Variants in PARVA observed in about 807,000 individuals in gnomAD.
The protein encoded by PARVA is parvin alpha.
A neutral mutation model predicts 52.6 loss-of-function variants in PARVA; 25 were observed. That is an observed-to-expected ratio of 0.48 (90% CI 0.35 to 0.66). The LOEUF is 0.66. Ranked by LOEUF, PARVA falls within the 30% of genes least tolerant of loss-of-function variation. The pLI is 0.01. For missense variants in PARVA, 373 were observed against 450.9 expected, an observed-to-expected ratio of 0.83 and a Z score of 1.56; for synonymous variants, 185 against 179.1, an observed-to-expected ratio of 1.03 and a Z score of -0.26.
chr11:12,475,758 G>A (rs377043489), intron 3 of PARVA, among the ~76,000 whole-genome samples: 4 of 152,184 alleles, frequency 2.6e-5, no homozygotes, highest in African/African-American at 4.8e-5. Context: ...TGGCTAGGCC[G>A]CCATGCAGCC....
At chr11:12,507,228 T>G (rs1383359018) in intron 6 of PARVA, among the ~76,000 whole-genome samples, 1 of 152,226 alleles carries the variant, frequency 6.6e-6, no homozygotes, top group Non-Finnish European at 1.5e-5. Context: ...AGGGCTCAGA[T>G]GAGCCACCCA....
At chr11:12,523,681 C>T (rs1460403346) in intron 12 of PARVA, among the ~76,000 whole-genome samples, 1 of 152,134 alleles carries the variant, frequency 6.6e-6, no homozygotes, top group Non-Finnish European at 1.5e-5. Context: ...TCTCTAGAGC[C>T]ACCTCTTCCT....
intron 1 of PARVA, among the ~76,000 whole-genome samples, chr11:12,389,898 A>C (rs1939632617): frequency 6.6e-6 from 1 of 152,190 alleles, no homozygotes; most frequent in Admixed American, 6.5e-5. Flanking sequence ...GGGATGTGTC[A>C]GGGCATTTAT....
intron 1 of PARVA, among the ~76,000 whole-genome samples, chr11:12,401,096 A>C (rs1939821356): frequency 6.6e-6 from 1 of 152,222 alleles, no homozygotes; most frequent in Admixed American, 6.5e-5. Flanking sequence ...TGCGGCATGT[A>C]GTGGGACCAG....
intron 1 of PARVA, among the ~76,000 whole-genome samples, chr11:12,388,865 A>AT (rs1292156946): frequency 1.3e-5 from 2 of 151,776 alleles, no homozygotes; most frequent in Non-Finnish European, 2.9e-5. Context: ...CTTTGGTCTC[A>AT]TTTTTTTTCT....
intron 1 of PARVA, among the ~76,000 whole-genome samples, chr11:12,466,311 GTTT>G (rs36045215): frequency 7.0e-6 from 1 of 142,990 alleles, no homozygotes. Flanking sequence ...TTATTTAGTT[GTTT>G]TTTTTTTTTT....
At chr11:12,396,668 A>G (rs918722428) in intron 1 of PARVA, among the ~76,000 whole-genome samples, 1 of 152,212 alleles carries the variant, frequency 6.6e-6, no homozygotes, top group African/African-American at 2.4e-5. Context: ...CCCAAGCTCT[A>G]TGTCTTTGCT....
chr11:12,449,209 A>C (rs1197293796), intron 1 of PARVA, among the ~76,000 whole-genome samples: 1 of 151,924 alleles, frequency 6.6e-6, no homozygotes, highest in Non-Finnish European at 1.5e-5. Context: ...GCTGGAGGGC[A>C]GTGGCGCAAT....
At chr11:12,378,702 G>T (rs1490924971) in intron 1 of PARVA, among the ~76,000 whole-genome samples, 1 of 151,562 alleles carries the variant, frequency 6.6e-6, no homozygotes, top group African/African-American at 2.4e-5. Context: ...TGTGGTGACT[G>T]GTGTGTAGAT....
chr11:12,463,793 C>T (rs1940816731), intron 1 of PARVA, among the ~76,000 whole-genome samples: 1 of 152,232 alleles, frequency 6.6e-6, no homozygotes, highest in African/African-American at 2.4e-5. Flanking sequence ...TTAATTTATT[C>T]AATTATTTAT....
rs1358065518 is a variant in PARVA at position 12,515,813 on chromosome 11, C to T, written c.867+1748C>T. Reference sequence around the variant, plus strand: ...AGGCCGTTCCCACCTGAGTTGCAGGCCTGATGGATAGAAGCTGGGAGGAGC... The same window carrying T: ...AGGCCGTTCCCACCTGAGTTGCAGGTCTGATGGATAGAAGCTGGGAGGAGC... On this transcript the variant is annotated intron_variant, in intron 10 of 12. Transcript: ENST00000334956. Among the ~76,000 whole-genome samples, 9 of 152,092 alleles carry T rather than the reference C, an allele frequency of 5.9e-5. No homozygotes were observed. The East Asian group carries it at 1.7e-3, about 29-fold the overall frequency.
intron 3 of PARVA, among the ~76,000 whole-genome samples, chr11:12,475,963 C>A (rs1326216522): frequency 6.6e-6 from 1 of 152,218 alleles, no homozygotes; most frequent in Non-Finnish European, 1.5e-5. Context: ...CCGCTGCACA[C>A]TCTCCGGGGT....
chr11:12,513,784 C>A, intron 9 of PARVA: 1 of 600,926 alleles, frequency 1.7e-6, no homozygotes, highest in South Asian at 2.0e-5. Context: ...TCCTTACACG[C>A]CCTGAGTTGT....
intron 1 of PARVA, among the ~76,000 whole-genome samples, chr11:12,471,915 T>C (rs1940940727): frequency 6.6e-6 from 1 of 152,258 alleles, no homozygotes; most frequent in African/African-American, 2.4e-5. Context: ...CATTTAAACA[T>C]GACTTTATTT....
At chr11:12,402,800 A>G (rs1939848157) in intron 1 of PARVA, among the ~76,000 whole-genome samples, 1 of 152,126 alleles carries the variant, frequency 6.6e-6, no homozygotes, top group Non-Finnish European at 1.5e-5. Flanking sequence ...GAAGGAGCTT[A>G]TTTTCCTCCT....
intron 5 of PARVA, among the ~76,000 whole-genome samples, chr11:12,498,749 A>G (rs1263310177): frequency 6.6e-6 from 1 of 151,458 alleles, no homozygotes; most frequent in Non-Finnish European, 1.5e-5. Flanking sequence ...TAACTTTCGT[A>G]TTTTTAGTAG....
chr11:12,531,123 C>T lies in PARVA; in HGVS notation c.*3198C>T, dbSNP rs745449124. Among the ~76,000 whole-genome samples the T allele has an allele frequency of 6.6e-6, 1 of 152,178 alleles. No homozygotes were observed. Among genetic ancestry groups the T allele is most frequent in the Admixed American group, 6.5e-5 (1 of 15,270 alleles). On this transcript the variant is annotated 3_prime_UTR_variant, in exon 13 of 13. Transcript: ENST00000334956. ...AAAGGTTACTACATACGCTATAATA[C>T]TGTACTATAAAGTCTAGCTGCCAGC...
chr11:12,487,280 A>ATC (rs1305348198), intron 4 of PARVA, among the ~76,000 whole-genome samples: 1 of 152,192 alleles, frequency 6.6e-6, no homozygotes, highest in African/African-American at 2.4e-5. Context: ...TGCTGGGCTG[A>ATC]AGTGGCAGCT....
rs545627441 is a variant in PARVA at position 12,498,639 on chromosome 11, A to G, written c.541+2041A>G. On this transcript the variant is annotated intron_variant, in intron 5 of 12. Transcript: ENST00000334956. Reference sequence around the variant, plus strand: ...GCCCAGGCTGAAGTGAAGTGGCACAATCTTGGCTCACTGCAACCTTCGCCT... The same window carrying G: ...GCCCAGGCTGAAGTGAAGTGGCACAGTCTTGGCTCACTGCAACCTTCGCCT... Among the ~76,000 whole-genome samples the G allele has an allele frequency of 1.4e-3, 204 of 145,662 alleles. 1 individual carries two copies. The highest frequency in any genetic ancestry group is 5.0e-3 in the African/African-American group (196 of 39,320).
Sources: gnomAD v4.1 joint callset for allele counts (sites outside exome capture counted in the v4.1 genomes callset) on GRCh38, gnomAD v4.1.1 for gene constraint, MANE v1.5 for transcripts, NCBI Gene and HGNC (gene_info 2026-07-23, HGNC 2026-07-21) for gene names.